NAV2: variants seen among roughly 807,000 people sequenced by gnomAD.
NAV2 encodes neuron navigator 2, also known as helicase, APC down-regulated 1.
NAV2 carries 54 observed loss-of-function variants against 223.2 expected under a neutral mutation model. That is an observed-to-expected ratio of 0.24 (90% confidence interval 0.19 to 0.30). The LOEUF (loss-of-function observed/expected upper bound fraction) is 0.30. Ranked by LOEUF, NAV2 falls within the 10% of genes least tolerant of loss-of-function variation. The pLI is 1.00. For missense variants in NAV2, 2,806 were observed against 3,147.5 expected, an observed-to-expected ratio of 0.89 and a Z score of 2.60; for synonymous variants, 1,279 against 1,239.3, an observed-to-expected ratio of 1.03 and a Z score of -0.67.
At chr11:19,443,934 T>C (rs1851493337) in intron 1 of NAV2, among the ~76,000 whole-genome samples, 1 of 152,176 alleles carries the variant, frequency 6.6e-6, no homozygotes, top group Non-Finnish European at 1.5e-5. Flanking sequence ...TTATTATCGT[T>C]ATTATTATTT....
chr11:19,561,390 TTGTC>T (rs566048489), intron 1 of NAV2, among the ~76,000 whole-genome samples: 4 of 152,228 alleles, frequency 2.6e-5, no homozygotes, highest in South Asian at 4.1e-4. Flanking sequence ...AATCAGGAAA[TTGTC>T]TGGCCCTTGT....
intron 1 of NAV2, chr11:19,777,793 TC>T: frequency 2.2e-6 from 1 of 444,948 alleles, no homozygotes; most frequent in Non-Finnish European, 4.6e-6. Context: ...ACCTACGAAT[TC>T]CTGGAGCTCT....
chr11:19,613,646 C>G (rs1340340586), intron 1 of NAV2, among the ~76,000 whole-genome samples: 1 of 152,180 alleles, frequency 6.6e-6, no homozygotes, highest in East Asian at 1.9e-4. Context: ...CTACAACTCT[C>G]CCAACCTAGG....
chr11:19,801,156 G>A (rs2058226239), intron 1 of NAV2, among the ~76,000 whole-genome samples: 1 of 152,202 alleles, frequency 6.6e-6, no homozygotes, highest in South Asian at 2.1e-4. Context: ...CTTTGATCAG[G>A]GATGTGGCAG....
chr11:20,077,079 T>C (rs1377609566), intron 22 of NAV2, among the ~76,000 whole-genome samples: 1 of 152,166 alleles, frequency 6.6e-6, no homozygotes, highest in Non-Finnish European at 1.5e-5. Flanking sequence ...GCTTAGCACT[T>C]GGTGAACAGA....
intron 1 of NAV2, among the ~76,000 whole-genome samples, chr11:19,619,171 G>T (rs1276137086): frequency 1.3e-5 from 2 of 151,328 alleles, no homozygotes; most frequent in Non-Finnish European, 2.9e-5. Context: ...ATGGGCATTT[G>T]GGTTGGTTCC....
In NAV2 at chr11:19,915,907, A is replaced by G. The variant is rs180808098; in HGVS notation, c.932-17269A>G. 3.5e-4 allele frequency among the ~76,000 whole-genome samples: 54 copies of G among 152,342 alleles called. 1 individual carries two copies. The highest frequency in any genetic ancestry group is 1.5e-3 in the Admixed American group (23 of 15,300). ...GGTATAGTGAATAAATGAGTGAGCT[A>G]TAGAGTAATTATTTACAGCTCAGAC... On this transcript the variant is annotated intron_variant, in intron 6 of 37. Coordinates refer to ENST00000349880, the MANE Select transcript of NAV2 (RefSeq NM_145117.5).
chr11:19,362,316 C>T (rs1853998350), intron 1 of NAV2, among the ~76,000 whole-genome samples: 1 of 152,188 alleles, frequency 6.6e-6, no homozygotes, highest in Non-Finnish European at 1.5e-5. Flanking sequence ...TAACATTCCA[C>T]TGATCTAATT....
chr11:20,013,628 C>T (rs533303490), intron 11 of NAV2, among the ~76,000 whole-genome samples: 9 of 152,208 alleles, frequency 5.9e-5, no homozygotes, highest in Non-Finnish European at 7.4e-5. Flanking sequence ...AGAGAAATTA[C>T]GACCTCATGG....
intron 6 of NAV2, among the ~76,000 whole-genome samples, chr11:19,899,318 G>A (rs1473134143): frequency 6.6e-6 from 1 of 152,198 alleles, no homozygotes; most frequent in Non-Finnish European, 1.5e-5. Flanking sequence ...CTATAAACAT[G>A]TCACTTTATG....
intron 1 of NAV2, among the ~76,000 whole-genome samples, chr11:19,646,700 A>G (rs915005725): frequency 4.6e-5 from 7 of 152,194 alleles, no homozygotes; most frequent in Admixed American, 2.0e-4. Flanking sequence ...AATAGCATCT[A>G]TACTCCAGGC....
At chr11:19,635,693 G>A (rs900690598) in intron 1 of NAV2, among the ~76,000 whole-genome samples, 1 of 152,196 alleles carries the variant, frequency 6.6e-6, no homozygotes, top group African/African-American at 2.4e-5. Flanking sequence ...AACTAACCCA[G>A]TCCCATGAGA....
chr11:20,005,214 C>G (rs1306041979), intron 11 of NAV2, among the ~76,000 whole-genome samples: 1 of 149,992 alleles, frequency 6.7e-6, no homozygotes, highest in Admixed American at 6.7e-5. Context: ...ATTTCAATCC[C>G]AAGTGATTCT....
chr11:19,639,223 C>T (rs1396981958), intron 1 of NAV2, among the ~76,000 whole-genome samples: 1 of 152,070 alleles, frequency 6.6e-6, no homozygotes, highest in African/African-American at 2.4e-5. Flanking sequence ...TTTGAGGACC[C>T]CCGACATAGT....
At chr11:19,770,757 G>A (rs559538071) in intron 1 of NAV2, among the ~76,000 whole-genome samples, 2 of 152,092 alleles carry the variant, frequency 1.3e-5, no homozygotes, top group Non-Finnish European at 2.9e-5. Flanking sequence ...TCTATGTTTC[G>A]AGCGTTTTGA....
chr11:19,796,910 T>C (rs1190393307), intron 1 of NAV2, among the ~76,000 whole-genome samples: 2 of 152,198 alleles, frequency 1.3e-5, no homozygotes, highest in Admixed American at 1.3e-4. Context: ...TCTTGGCACT[T>C]GGCATGCATT....
intron 1 of NAV2, among the ~76,000 whole-genome samples, chr11:19,587,726 C>T (rs1426687028): frequency 2.0e-5 from 3 of 152,198 alleles, no homozygotes; most frequent in African/African-American, 7.2e-5. Flanking sequence ...ACCAAAGTCA[C>T]AATGAGACTG....
chr11:20,054,111 G>A lies in NAV2; in HGVS notation c.4513G>A (p.Glu1505Lys). The A allele has an allele frequency of 6.2e-7, 1 of 1,612,662 alleles. No homozygotes were observed. The highest frequency in any genetic ancestry group is 1.1e-5 in the South Asian group (1 of 90,742). ...TCCCACCTCCCAGCTTCGCACGCAA[G>A]AAGATGCAAAAGAATGGTTACGGTC... ...YTPTSQLRTQEDAKEWLRSHS... is the reference protein window; with the variant it reads ...YTPTSQLRTQKDAKEWLRSHS... Residue 1505 changes from glutamate to lysine, a missense_variant, in exon 18 of 38, where the codon GAA becomes AAA. Glu to Lys is a moderately conservative substitution (Grantham distance 56, BLOSUM62 1). This residue lies in a region of NAV2 where 742 missense variants were observed against 777.9 expected (regional missense o/e 0.95). Transcript: ENST00000349880.
intron 1 of NAV2, among the ~76,000 whole-genome samples, chr11:19,436,081 T>C (rs1185222121): frequency 6.6e-6 from 1 of 152,140 alleles, no homozygotes; most frequent in Non-Finnish European, 1.5e-5. Flanking sequence ...TGCAGTCCCA[T>C]TTGTTTATTT....
Sources: allele counts gnomAD v4.1 joint callset (sites outside exome capture counted in the v4.1 genomes callset), GRCh38; gene constraint gnomAD v4.1.1; regional missense constraint gnomAD v4.1.1; transcripts MANE v1.5; gene names NCBI Gene and HGNC (gene_info 2026-07-23, HGNC 2026-07-21).